Variants in ZFHX3 observed in about 807,000 individuals in gnomAD.
ZFHX3 encodes the protein zinc finger homeobox protein 3.
A neutral mutation model predicts 279.1 loss-of-function variants in ZFHX3; 42 were observed. The observed-to-expected ratio is 0.15, with a 90% CI of 0.12 to 0.19. The LOEUF (loss-of-function observed/expected upper bound fraction) is 0.19, where lower values mean the gene tolerates loss of function less well. ZFHX3 is among the 10% of genes least tolerant of loss of function. ZFHX3 has a pLI of 1.00. For missense variants in ZFHX3, 4,981 were observed against 4,754.0 expected, an observed-to-expected ratio of 1.05 and a Z score of -1.40; for synonymous variants, 2,293 against 1,957.8, an observed-to-expected ratio of 1.17 and a Z score of -4.52.
intron 5 of ZFHX3, among the ~76,000 whole-genome samples, chr16:73,254,370 C>CT (rs1209053102): frequency 5.9e-5 from 9 of 151,840 alleles, no homozygotes; most frequent in African/African-American, 2.2e-4. Context: ...TCTTGCATGT[C>CT]TAATTGTTTT....
intron 2 of ZFHX3, among the ~76,000 whole-genome samples, chr16:73,599,980 C>T (rs2052094089): frequency 1.3e-5 from 2 of 152,178 alleles, no homozygotes; most frequent in South Asian, 2.1e-4. Flanking sequence ...CTTGTCTCCT[C>T]GTTTTCCCCA....
chr16:73,608,800 A>G (rs931237374), intron 2 of ZFHX3: 4 of 152,216 alleles, frequency 2.6e-5, no homozygotes, highest in Non-Finnish European at 5.9e-5. Flanking sequence ...TCCAGATTTA[A>G]TAAGTATTCA....
chr16:73,643,630 T>G (rs899303576), intron 2 of ZFHX3, among the ~76,000 whole-genome samples: 4 of 152,222 alleles, frequency 2.6e-5, no homozygotes, highest in Non-Finnish European at 5.9e-5. Flanking sequence ...TGAAAAGTCA[T>G]CCTAGTGTGT....
chr16:73,366,558 C>A (rs1243376749), intron 3 of ZFHX3, among the ~76,000 whole-genome samples: 1 of 146,874 alleles, frequency 6.8e-6, no homozygotes, highest in Non-Finnish European at 1.5e-5. Context: ...GTAGTGAGAC[C>A]CTCTCTCTAC....
chr16:73,156,739 G>T (rs9673286), intron 5 of ZFHX3, among the ~76,000 whole-genome samples: 19,776 of 148,408 alleles, frequency 0.13, 1,333 homozygotes, highest in Admixed American at 0.18. Flanking sequence ...TTTTTTTGAA[G>T]AGTCTAGCTC....
intron 9 of ZFHX3, among the ~76,000 whole-genome samples, chr16:72,792,455 GTTCTTTTTTTT>G (rs1011420928): frequency 6.6e-5 from 10 of 152,104 alleles, no homozygotes; most frequent in African/African-American, 2.2e-4. Flanking sequence ...CCTTCTGGTA[GTTCTTTTTTTT>G]TTCTTTTTTT....
chr16:73,218,155 A>G lies in ZFHX3; in HGVS notation c.-1104+38892T>C, dbSNP rs908034308. On this transcript the variant is annotated intron_variant, in intron 5 of 17. Transcript: ENST00000641206. ...GGAGCCCAGTACATGGTATGGCCTT[A>G]TCGATATTTATTGACATTAGGAGGC... Among the ~76,000 whole-genome samples the G allele has an allele frequency of 5.9e-5, 9 of 152,268 alleles. No homozygotes were observed. The South Asian group carries it at 1.9e-3, about 32-fold the overall frequency.
At chr16:73,027,888 A>T (rs528999295) in intron 1 of ZFHX3, among the ~76,000 whole-genome samples, 25 of 152,266 alleles carry the variant, frequency 1.6e-4, no homozygotes, top group Middle Eastern at 3.4e-3. Flanking sequence ...ACTAGTGTTT[A>T]ATACACTGCC....
chr16:73,794,506 T>C (rs535428360), intron 1 of ZFHX3, among the ~76,000 whole-genome samples: 1 of 152,302 alleles, frequency 6.6e-6, no homozygotes, highest in East Asian at 1.9e-4. Flanking sequence ...CACCTTTAGG[T>C]TGCATGGTCC....
intron 2 of ZFHX3, among the ~76,000 whole-genome samples, chr16:73,573,604 C>A (rs1354607208): frequency 6.6e-6 from 1 of 152,192 alleles, no homozygotes; most frequent in African/African-American, 2.4e-5. Flanking sequence ...AGTGCTGCTG[C>A]CACTGGCAGG....
intron 2 of ZFHX3, among the ~76,000 whole-genome samples, chr16:73,610,402 C>T (rs893069178): frequency 2.6e-5 from 4 of 152,140 alleles, no homozygotes; most frequent in Admixed American, 2.0e-4. Context: ...TATAGGGAGG[C>T]ATGTTTGTTC....
intron 4 of ZFHX3, among the ~76,000 whole-genome samples, chr16:73,315,176 C>T (rs1277532990): frequency 6.7e-6 from 1 of 149,994 alleles, no homozygotes; most frequent in Non-Finnish European, 1.5e-5. Flanking sequence ...AGCACCACTG[C>T]ACTCCAGCCT....
chr16:73,389,439 G>T (rs919841677), intron 3 of ZFHX3, among the ~76,000 whole-genome samples: 1 of 152,292 alleles, frequency 6.6e-6, no homozygotes, highest in East Asian at 1.9e-4. Context: ...ATTGTCAAAA[G>T]GTCTTTCTCT....
chr16:73,651,212 A>T (rs867305346), intron 2 of ZFHX3, among the ~76,000 whole-genome samples: 1 of 148,150 alleles, frequency 6.7e-6, no homozygotes, highest in African/African-American at 2.4e-5. Flanking sequence ...TATTAGTCAG[A>T]TGAAATTATC....
intron 3 of ZFHX3, among the ~76,000 whole-genome samples, chr16:73,332,273 A>C (rs1193973408): frequency 5.3e-5 from 8 of 152,230 alleles, no homozygotes; most frequent in Admixed American, 5.2e-4. Context: ...CTGGGAGAAA[A>C]AAATTTATAT....
intron 1 of ZFHX3, among the ~76,000 whole-genome samples, chr16:72,961,711 T>C (rs751609878): frequency 9.9e-5 from 15 of 152,212 alleles, no homozygotes; most frequent in Non-Finnish European, 2.2e-4. Context: ...AAGGCAGGTT[T>C]ACCAGAAGTC....
intron 3 of ZFHX3, among the ~76,000 whole-genome samples, chr16:72,942,263 T>A (rs1378635630): frequency 7.9e-5 from 12 of 152,254 alleles, no homozygotes; most frequent in Non-Finnish European, 1.3e-4. Context: ...TGCCAGAGTG[T>A]GTTTACCTAA....
intron 2 of ZFHX3, among the ~76,000 whole-genome samples, chr16:73,602,221 G>A (rs2052126070): frequency 6.6e-6 from 1 of 152,156 alleles, no homozygotes; most frequent in African/African-American, 2.4e-5. Context: ...TTTAAAATCT[G>A]GCTGGTGGGT....
intron 1 of ZFHX3, among the ~76,000 whole-genome samples, chr16:73,018,339 G>A (rs902819461): frequency 6.6e-6 from 1 of 151,940 alleles, no homozygotes; most frequent in Non-Finnish European, 1.5e-5. Context: ...CGGGTGTGGT[G>A]GCTCACGCCT....
Sources: gnomAD v4.1 joint callset for allele counts (sites outside exome capture counted in the v4.1 genomes callset) on GRCh38, gnomAD v4.1.1 for gene constraint, MANE v1.5 for transcripts, NCBI Gene and HGNC (gene_info 2026-07-23, HGNC 2026-07-21) for gene names.